The following ADORA2B variants were observed in gnomAD, a reference collection of about 807,000 sequenced individuals.
ADORA2B encodes the protein adenosine A2b receptor.
A neutral mutation model predicts 20.8 loss-of-function variants in ADORA2B; 18 were observed. The ratio of observed to expected loss-of-function variants is 0.87; its 90% CI spans 0.60 to 1.29. The LOEUF (loss-of-function observed/expected upper bound fraction) is 1.29, where lower values mean the gene tolerates loss of function less well. ADORA2B is among the 50% of genes most tolerant of loss of function. The pLI, the probability that ADORA2B is intolerant of heterozygous loss-of-function variation, is 0.00. For missense variants in ADORA2B, 441 were observed against 422.7 expected (o/e 1.04, Z -0.38); for synonymous variants, 179 against 178.3 (o/e 1.00, Z -0.03).
At chr17:15,897,054 GC>G in the ADORA2B span, among the ~76,000 whole-genome samples, 2 of 152,164 alleles carry the variant, frequency 1.3e-5, no homozygotes, top group Non-Finnish European at 2.9e-5. Context: ...TCAGACGATG[GC>G]CGTGCCCCAT....
the ADORA2B span, among the ~76,000 whole-genome samples, chr17:15,852,526 A>G: frequency 6.6e-6 from 1 of 152,212 alleles, no homozygotes; most frequent in Non-Finnish European, 1.5e-5. Flanking sequence ...AGATAATACC[A>G]AATGATGAAA....
At chr17:15,866,736 T>A in the ADORA2B span, among the ~76,000 whole-genome samples, 1 of 130,980 alleles carries the variant, frequency 7.6e-6, no homozygotes, top group African/African-American at 3.0e-5. Flanking sequence ...TGCCGCTGCC[T>A]CTGCCTCTGC....
the ADORA2B span, among the ~76,000 whole-genome samples, chr17:15,900,574 G>A: frequency 1.3e-5 from 2 of 151,738 alleles, no homozygotes; most frequent in Non-Finnish European, 2.9e-5. Context: ...AGCCTCCCAA[G>A]TAGCTAGGAC....
the ADORA2B span, among the ~76,000 whole-genome samples, chr17:15,928,402 T>G: frequency 7.2e-5 from 11 of 152,008 alleles, 1 homozygote; most frequent in African/African-American, 2.4e-4. Context: ...CTCTTGCCTG[T>G]GCGGATGCCA....
At chr17:15,850,759 G>A in the ADORA2B span, 1 of 157,022 alleles carries the variant, frequency 6.4e-6, no homozygotes, top group African/African-American at 2.4e-5. Context: ...GTGTGTGTGT[G>A]TCTGTGTCTG....
chr17:15,940,316 C>A (rs1008547478), upstream of ADORA2B, among the ~76,000 whole-genome samples: 1 of 152,192 alleles, frequency 6.6e-6, no homozygotes, highest in Non-Finnish European at 1.5e-5. Flanking sequence ...GTTCACTGAG[C>A]AGAGACTGAG....
At chr17:15,925,740 C>T in the ADORA2B span, among the ~76,000 whole-genome samples, 4 of 152,144 alleles carry the variant, frequency 2.6e-5, no homozygotes, top group Non-Finnish European at 5.9e-5. Flanking sequence ...GAGGCCGAGG[C>T]GGGTGGATCA....
At chr17:15,916,525 G>A in the ADORA2B span, among the ~76,000 whole-genome samples, 21 of 150,282 alleles carry the variant, frequency 1.4e-4, no homozygotes, top group Non-Finnish European at 2.2e-4. Context: ...TGAGCAAGGA[G>A]GGGGGGTACA....
chr17:15,936,367 G>A, the ADORA2B span, among the ~76,000 whole-genome samples: 2 of 151,746 alleles, frequency 1.3e-5, no homozygotes, highest in African/African-American at 4.8e-5. Context: ...CACCCAGGCT[G>A]GAGTGCAGTG....
chr17:15,877,285 TG>T, the ADORA2B span, among the ~76,000 whole-genome samples: 3 of 152,232 alleles, frequency 2.0e-5, no homozygotes, highest in African/African-American at 7.2e-5. Context: ...ACAGTTCCTT[TG>T]TTCCACTGGT....
At chr17:15,930,533 C>T in the ADORA2B span, among the ~76,000 whole-genome samples, 3 of 152,080 alleles carry the variant, frequency 2.0e-5, no homozygotes, top group Admixed American at 6.5e-5. Context: ...TGAGCTCAAG[C>T]GATCTGTGTG....
chr17:15,973,765 A>C (rs1287686720), intron 1 of ADORA2B: 2 of 152,222 alleles, frequency 1.3e-5, no homozygotes, highest in Non-Finnish European at 2.9e-5. Context: ...ACAATGCCTT[A>C]CAGAAGACCT....
At chr17:15,884,997 CTG>C in the ADORA2B span, among the ~76,000 whole-genome samples, 279 of 152,340 alleles carry the variant, frequency 1.8e-3, 2 homozygotes, top group African/African-American at 6.4e-3. Flanking sequence ...AATTGCCACA[CTG>C]TGTTCCACAA....
At chr17:15,959,628 G>A (rs753538583) in intron 1 of ADORA2B, among the ~76,000 whole-genome samples, 1 of 151,528 alleles carries the variant, frequency 6.6e-6, no homozygotes, top group Non-Finnish European at 1.5e-5. Flanking sequence ...AGCCTCCCGA[G>A]TAGTTGGGAT....
chr17:15,874,344 A>AT, the ADORA2B span, among the ~76,000 whole-genome samples: 1 of 151,464 alleles, frequency 6.6e-6, no homozygotes, highest in African/African-American at 2.4e-5. Flanking sequence ...AGGGGGATTA[A>AT]TTTTTTTTAA....
At chr17:15,970,112 A>G (rs1224885809) in intron 1 of ADORA2B, among the ~76,000 whole-genome samples, 1 of 152,256 alleles carries the variant, frequency 6.6e-6, no homozygotes, top group African/African-American at 2.4e-5. Flanking sequence ...GTCGCAATTC[A>G]TAACTTCGTA....
intron 1 of ADORA2B, among the ~76,000 whole-genome samples, chr17:15,951,513 C>A (rs1378727032): frequency 1.3e-5 from 2 of 152,236 alleles, no homozygotes; most frequent in Admixed American, 6.5e-5. Flanking sequence ...CATGTAGCAA[C>A]CTTAAAACCA....
chr17:15,876,042 A>G, the ADORA2B span, among the ~76,000 whole-genome samples: 2 of 152,208 alleles, frequency 1.3e-5, no homozygotes, highest in South Asian at 2.1e-4. Context: ...CCTGGTGCAC[A>G]GATTCCCTGT....
chr17:15,974,312 T>G (rs1458677153), intron 1 of ADORA2B: 1 of 182,420 alleles, frequency 5.5e-6, no homozygotes, highest in East Asian at 1.4e-4. Flanking sequence ...TAAACTTGAT[T>G]TAACAATATA....
Sources: gnomAD v4.1 joint callset for allele counts (sites outside exome capture counted in the v4.1 genomes callset) on GRCh38, gnomAD v4.1.1 for gene constraint, MANE v1.5 for transcripts, NCBI Gene and HGNC (gene_info 2026-07-23, HGNC 2026-07-21) for gene names.